Variants in UBN1 observed in about 807,000 individuals in gnomAD.
The protein encoded by UBN1 is ubinuclein-1.
UBN1 carries 17 observed loss-of-function variants against 108.5 expected under a neutral mutation model. The ratio of observed to expected loss-of-function variants is 0.16; its 90% CI spans 0.11 to 0.24. UBN1 has a LOEUF of 0.24. Ranked by LOEUF, UBN1 falls within the 10% of genes least tolerant of loss-of-function variation. The probability of loss-of-function intolerance (pLI) is 1.00; values close to 1 mark genes in which losing one functional copy is unlikely to be tolerated. For missense variants in UBN1, 1,595 were observed against 1,394.4 expected (o/e 1.14, Z -2.29); for synonymous variants, 726 against 564.2 (o/e 1.29, Z -4.07).
intron 12 of UBN1, among the ~76,000 whole-genome samples, 156 bp from the exon 13 acceptor site, chr16:4,872,728 A>G (rs2087707470): frequency 6.6e-6 from 1 of 151,900 alleles, no homozygotes; most frequent in Non-Finnish European, 1.5e-5. Flanking sequence ...CTTGGCCTCC[A>G]AAAGTGCTGG....
chr16:4,872,692 C>T lies in UBN1; in HGVS notation c.1707-192C>T, dbSNP rs1204767851. Among the ~76,000 whole-genome samples the T allele has an allele frequency of 4.6e-5, 7 of 152,286 alleles. No homozygotes were observed. The East Asian group carries it at 1.2e-3, about 25-fold the overall frequency. On this transcript the variant is annotated intron_variant, in intron 12 of 17. Coordinates refer to ENST00000262376, the MANE Select transcript of UBN1 (RefSeq NM_001079514.3). ...CCATGTTGGCCAGGCTGGTCTCGAA[C>T]TCCTGACCTCAGGTGATCCACCTGC...
intron 14 of UBN1, among the ~76,000 whole-genome samples, chr16:4,873,954 C>T (rs554498700): frequency 1.3e-5 from 2 of 152,300 alleles, no homozygotes; most frequent in East Asian, 1.9e-4. Context: ...TTTCTCCTGG[C>T]GGCTTGTTTG....
chr16:4,849,941 CTGTCTCACAAAAAAAAAA>C (rs1382664139), intron 1 of UBN1, among the ~76,000 whole-genome samples: 1 of 37,924 alleles, frequency 2.6e-5, no homozygotes, highest in African/African-American at 2.0e-4. Flanking sequence ...AGTGAGGCAA[CTGTCTCACAAAAAAAAAA>C]AAAAAAACCA....
intron 15 of UBN1, 148 bp from the exon 16 acceptor site, chr16:4,876,723 C>A (rs1234647072): frequency 1.6e-6 from 2 of 1,215,552 alleles, no homozygotes; most frequent in South Asian, 1.6e-5. Flanking sequence ...GCTGCAGGGT[C>A]GGAGGGTGCC....
rs140151187 is a variant in UBN1 at position 4,849,475 on chromosome 16, G to GATATAT, written c.-40+1275_-40+1280dup. 1.5e-3 allele frequency among the ~76,000 whole-genome samples: 233 copies of GATATAT among 150,840 alleles called. 1 individual carries two copies. The highest frequency in any genetic ancestry group is 5.2e-3 in the African/African-American group (215 of 41,202). ...TTTGAAAATACAATGTTTAGAAGGA[G>GATATAT]ATATATATATATATAGTAAGAAAAA... On this transcript the variant is annotated intron_variant, in intron 1 of 17. Coordinates refer to ENST00000262376, the MANE Select transcript of UBN1 (RefSeq NM_001079514.3).
rs974328101 is a variant in UBN1, at chr16:4,881,312, G to C, written c.*1180G>C. ...TCTCCAGGCAGTGGGGTTATGTGTC[G>C]ACTGAAGGGTGATGTGCAGAAGAGC... On this transcript the variant is annotated 3_prime_UTR_variant, in exon 18 of 18. Coordinates refer to ENST00000262376, the MANE Select transcript of UBN1 (RefSeq NM_001079514.3). 1 of 152,668 alleles carries C rather than the reference G, an allele frequency of 6.6e-6. No individual in the cohort carries two copies. Among genetic ancestry groups the C allele is most frequent in the African/African-American group, 2.4e-5 (1 of 41,506 alleles). 9.5% of individuals were successfully genotyped at this position (152,668 alleles called of 1,614,324 possible).
chr16:4,860,653 C>T lies in UBN1; in HGVS notation c.672-11C>T, dbSNP rs1036203487. On this transcript the variant is annotated splice_polypyrimidine_tract_variant and intron_variant, in intron 6 of 17. Transcript: ENST00000262376. Reference sequence around the variant, plus strand: ...TATAGTCTGAGTGACCAGTTTCCCTCTTGCTTGCAGCTTCACAGCCCTCAA... The same window carrying T: ...TATAGTCTGAGTGACCAGTTTCCCTTTTGCTTGCAGCTTCACAGCCCTCAA... 2 of 1,603,564 alleles carry T rather than the reference C, an allele frequency of 1.2e-6. No individual in the cohort carries two copies. Among genetic ancestry groups the T allele is most frequent in the African/African-American group, 2.7e-5 (2 of 74,522 alleles).
rs1567973608 is a variant in UBN1 at position 4,881,915 on chromosome 16, C to T, written c.*1783C>T. 6.6e-6 allele frequency: 1 copy of T among 152,164 alleles called. No homozygotes were observed. The highest frequency in any genetic ancestry group is 1.5e-5 in the Non-Finnish European group (1 of 68,022). The allele number at this position is 152,164 out of a possible 1,614,324, so 9.4% of individuals were successfully genotyped here. A position where few individuals can be genotyped will look rare whatever the true frequency, so the allele number is the denominator to read the frequency against. On this transcript the variant is annotated 3_prime_UTR_variant, in exon 18 of 18. Transcript: ENST00000262376. Reference sequence around the variant, plus strand: ...TTCTCTGCCCATAAACACCCGGGTCCCAGGCCCTCCTTCCTTTCCCTTTGG... The same window carrying T: ...TTCTCTGCCCATAAACACCCGGGTCTCAGGCCCTCCTTCCTTTCCCTTTGG...
At chr16:4,867,344 G>T (rs897178401) in intron 7 of UBN1, among the ~76,000 whole-genome samples, 1 of 152,188 alleles carries the variant, frequency 6.6e-6, no homozygotes, top group Non-Finnish European at 1.5e-5. Context: ...CTTACACGCA[G>T]ATGTTTTCTA....
Position 4,847,652 on chromosome 16 carries a change from G to T in UBN1, c.-598G>T, listed in dbSNP as rs1212563683. On this transcript the variant is annotated 5_prime_UTR_variant, in exon 1 of 18. Transcript: ENST00000262376. ...CCCTCTCGGCGCTTCCGTTACGCCC[G>T]TTGGTCCGGCGCGGGCCCCGGGGCC... 3 of 223,706 alleles carry T rather than the reference G, an allele frequency of 1.3e-5. No homozygotes were observed. The highest frequency in any genetic ancestry group is 2.6e-5 in the Non-Finnish European group (3 of 114,482). The allele number at this position is 223,706 out of a possible 1,614,324, so 13.9% of individuals were successfully genotyped here.
At chr16:4,852,180 AG>A (rs1419432650) in intron 1 of UBN1, 1 of 152,284 alleles carries the variant, frequency 6.6e-6, no homozygotes, top group African/African-American at 2.4e-5. Context: ...CGAAGTAAGC[AG>A]AAAACATGTA....
Position 4,860,690 on chromosome 16 carries a change from A to T in UBN1, c.698A>T (p.Glu233Val). The change falls in exon 7 of 18, where the codon GAG becomes GTG. Residue 233 changes from glutamate (E) to valine (V), a missense_variant. Around this residue, in one of 3 missense-constraint regions of UBN1, gnomAD observed 1,398 missense variants for 1,194.7 expected, o/e 1.17. Transcript: ENST00000262376. ...TTCACAGCCCTCAATGCCAGTAAGG[A>T]GAAGAAGAAGAAGAAATATTCTGGG... ...AGFTALNASK[E>V]KKKKKYSGAL... 1 of 1,609,374 alleles carries T rather than the reference A, an allele frequency of 6.2e-7. No individual in the cohort carries two copies.
intron 2 of UBN1, among the ~76,000 whole-genome samples, chr16:4,855,371 T>A (rs1330114242): frequency 6.6e-6 from 1 of 151,982 alleles, no homozygotes; most frequent in Non-Finnish European, 1.5e-5. Context: ...TCCCAGCACT[T>A]TGGGAGTCTG....
At position 4,853,172 on chromosome 16, in the gene UBN1, C is replaced by T; in HGVS notation, c.249+6C>T. 1 of 1,613,768 alleles carries T rather than the reference C, an allele frequency of 6.2e-7. No individual in the cohort carries two copies. The highest frequency in any genetic ancestry group is 8.5e-7 in the Non-Finnish European group (1 of 1,179,930). The stretch of plus-strand genomic sequence containing the variant: ...GCCTTCAGCCTGGAGATAAGGTACA[C>T]CCCTTTGTTCCCAGAGGCGCTGCAG... On this transcript the variant is annotated splice_donor_region_variant and intron_variant, in intron 2 of 17. Coordinates refer to ENST00000262376, the MANE Select transcript of UBN1 (RefSeq NM_001079514.3).
chr16:4,865,456 G>C (rs980520469), intron 7 of UBN1, among the ~76,000 whole-genome samples: 1 of 152,136 alleles, frequency 6.6e-6, no homozygotes. Flanking sequence ...CGAGGTGGGA[G>C]GATCACCTGA....
At chr16:4,872,999 C>T (rs1394796912) in intron 13 of UBN1, 32 bp from the exon 14 acceptor site, 7 of 1,614,196 alleles carry the variant, frequency 4.3e-6, no homozygotes, top group East Asian at 2.2e-5. Context: ...TGGATATTCT[C>T]TAAACTTTTC....
intron 7 of UBN1, 147 bp from the exon 8 acceptor site, chr16:4,868,686 C>G (rs2087455858): frequency 1.5e-6 from 1 of 674,660 alleles, no homozygotes. Flanking sequence ...CGAACTTAAC[C>G]TGGGACTAGG....
chr16:4,880,462 A>C lies in UBN1; in HGVS notation c.*330A>C, dbSNP rs1475687533. ...AGGCTCTGGTGGCAGAGCAGTTGGCACACCTGTGGGTGAATCTGCCTGATC... is the reference window on the plus strand; with the variant it reads ...AGGCTCTGGTGGCAGAGCAGTTGGCCCACCTGTGGGTGAATCTGCCTGATC... On this transcript the variant is annotated 3_prime_UTR_variant, in exon 18 of 18. Transcript: ENST00000262376. 3.5e-6 allele frequency: 1 copy of C among 289,524 alleles called. No homozygotes were observed. The highest frequency in any genetic ancestry group is 4.2e-5 in the Admixed American group (1 of 23,706). The allele number at this position is 289,524 out of a possible 1,614,324, so 17.9% of individuals were successfully genotyped here.
At chr16:4,853,910 G>A (rs1010063260) in intron 2 of UBN1, among the ~76,000 whole-genome samples, 8 of 151,990 alleles carry the variant, frequency 5.3e-5, no homozygotes, top group African/African-American at 1.5e-4. Flanking sequence ...TAACCTGCAC[G>A]TAGGTCACAA....
Sources: allele counts gnomAD v4.1 joint callset (sites outside exome capture counted in the v4.1 genomes callset), GRCh38; gene constraint gnomAD v4.1.1; regional missense constraint gnomAD v4.1.1; transcripts MANE v1.5; gene names NCBI Gene and HGNC (gene_info 2026-07-23, HGNC 2026-07-21).